STK32B: variants seen among roughly 807,000 people sequenced by gnomAD.
The protein encoded by STK32B is serine/threonine-protein kinase 32B.
A neutral mutation model predicts 52.6 loss-of-function variants in STK32B; 43 were observed. The observed-to-expected ratio is 0.82, with a 90% CI of 0.64 to 1.05. The LOEUF (loss-of-function observed/expected upper bound fraction) is 1.05. Ranked by LOEUF, STK32B falls within the 50% of genes least tolerant of loss-of-function variation. The probability of loss-of-function intolerance (pLI) is 0.00; values close to 1 mark genes in which losing one functional copy is unlikely to be tolerated. For missense variants in STK32B, 621 were observed against 534.6 expected, an observed-to-expected ratio of 1.16 and a Z score of -1.59; for synonymous variants, 238 against 204.3, an observed-to-expected ratio of 1.17 and a Z score of -1.41.
chr4:5,331,149 T>G lies in STK32B; in HGVS notation c.261-71T>G, dbSNP rs2108954303. ...AGCCTCAGTTTGCTCTTCTGTAAAA[T>G]GGAGGCATTGGTCTTGAGGGTGCTG... On this transcript the variant is annotated intron_variant, in intron 3 of 11. Coordinates refer to ENST00000282908, the MANE Select transcript of STK32B (RefSeq NM_018401.3). 4 of 1,430,148 alleles carry G rather than the reference T, an allele frequency of 2.8e-6. No individual in the cohort carries two copies. The East Asian group carries it at 9.7e-5, about 35-fold the overall frequency. The allele number at this position is 1,430,148 out of a possible 1,614,324, so 88.6% of individuals were successfully genotyped here.
chr4:5,317,014 A>ATATATAATATATATGATATAATATATAAT (rs1730975927), intron 3 of STK32B, among the ~76,000 whole-genome samples: 1 of 25,610 alleles, frequency 3.9e-5, no homozygotes, highest in African/African-American at 5.4e-4. Context: ...TAATATATAT[A>ATATATAATATATATGATATAATATATAAT]ATATATAATA....
At chr4:5,041,829 A>C in the STK32B span, among the ~76,000 whole-genome samples, 1 of 151,872 alleles carries the variant, frequency 6.6e-6, no homozygotes, top group South Asian at 2.1e-4. Flanking sequence ...TACAATGCAC[A>C]ATGCTGCCAA....
intron 4 of STK32B, among the ~76,000 whole-genome samples, chr4:5,367,222 G>T (rs1734935200): frequency 6.6e-6 from 1 of 152,162 alleles, no homozygotes; most frequent in Non-Finnish European, 1.5e-5. Context: ...TCCAGTGAAA[G>T]GTCGGTTAGC....
intron 1 of STK32B, among the ~76,000 whole-genome samples, chr4:5,129,234 T>C (rs890433347): frequency 2.0e-5 from 3 of 152,216 alleles, no homozygotes; most frequent in African/African-American, 7.2e-5. Context: ...ATTCATTTTA[T>C]TTTATTATAT....
intron 3 of STK32B, among the ~76,000 whole-genome samples, chr4:5,245,516 G>C (rs539219552): frequency 0.017 from 2,578 of 152,164 alleles, 76 homozygotes; most frequent in African/African-American, 0.058. Context: ...TGGGTCTTGA[G>C]TCTTTATCCA....
chr4:5,040,009 T>C, the STK32B span, among the ~76,000 whole-genome samples: 364 of 152,330 alleles, frequency 2.4e-3, 2 homozygotes, highest in African/African-American at 8.5e-3. Flanking sequence ...GTGGTTGCTC[T>C]GCTACTCCCT....
intron 4 of STK32B, among the ~76,000 whole-genome samples, chr4:5,388,957 T>C (rs1736425478): frequency 6.6e-6 from 1 of 152,148 alleles, no homozygotes. Flanking sequence ...TGAACTGAAT[T>C]AATCATTGTC....
intron 6 of STK32B, 113 bp from the exon 7 acceptor site, chr4:5,446,560 A>G (rs1715440874): frequency 2.0e-6 from 2 of 980,502 alleles, no homozygotes; most frequent in Non-Finnish European, 3.0e-6. Context: ...CTATCTCAAA[A>G]AAAAACAAAA....
chr4:5,324,540 T>G lies in STK32B; in HGVS notation c.261-6680T>G, dbSNP rs115932376. On this transcript the variant is annotated intron_variant, in intron 3 of 11. Transcript: ENST00000282908. ...CAGGGTTTTTCAACCTCAGCACTGT[T>G]GCCATTTTGCAGTAGGTGATTGTGG... Among the ~76,000 whole-genome samples, 394 of 152,262 alleles carry G rather than the reference T, an allele frequency of 2.6e-3. 1 individual carries two copies. Among genetic ancestry groups the G allele is most frequent in the African/African-American group, 8.9e-3 (371 of 41,536 alleles).
At position 5,104,345 on chromosome 4, in the gene STK32B, G is replaced by A. The variant is rs1004134286; in HGVS notation, c.53-35560G>A. The stretch of plus-strand genomic sequence containing the variant: ...CATCATCTTCCACCATGATTGTGAA[G>A]CCTCCCCAGACATGTGGAACTGTGA... On this transcript the variant is annotated intron_variant, in intron 1 of 11. Transcript: ENST00000282908. 4.8e-4 allele frequency among the ~76,000 whole-genome samples: 73 copies of A among 152,180 alleles called. 1 individual carries two copies. The highest frequency in any genetic ancestry group is 1.7e-3 in the African/African-American group (71 of 41,442).
intron 4 of STK32B, among the ~76,000 whole-genome samples, chr4:5,393,390 T>A (rs10006492): frequency 0.049 from 7,521 of 152,326 alleles, 472 homozygotes; most frequent in Admixed American, 0.18. Flanking sequence ...GAAGCTAATG[T>A]TCATTGTCTT....
At chr4:5,151,521 T>G (rs890696124) in intron 2 of STK32B, among the ~76,000 whole-genome samples, 1 of 152,260 alleles carries the variant, frequency 6.6e-6, no homozygotes, top group Non-Finnish European at 1.5e-5. Flanking sequence ...AGAAATCTTT[T>G]CACTGTCATG....
chr4:5,074,643 A>T (rs1711974119), intron 1 of STK32B, among the ~76,000 whole-genome samples: 1 of 152,090 alleles, frequency 6.6e-6, no homozygotes, highest in Non-Finnish European at 1.5e-5. Context: ...TGGCACAATA[A>T]ATATTAGCTA....
intron 11 of STK32B, among the ~76,000 whole-genome samples, chr4:5,484,303 T>C (rs984824680): frequency 1.3e-5 from 2 of 152,242 alleles, no homozygotes; most frequent in Non-Finnish European, 2.9e-5. Flanking sequence ...TTAGGATAGT[T>C]AGCTCTTCTT....
intron 6 of STK32B, among the ~76,000 whole-genome samples, chr4:5,423,580 T>G (rs544426641): frequency 5.0e-4 from 76 of 152,336 alleles, no homozygotes; most frequent in African/African-American, 1.6e-3. Context: ...TGCTAAATAC[T>G]GGGAACACAG....
intron 2 of STK32B, among the ~76,000 whole-genome samples, chr4:5,153,958 CAG>C (rs546348431): frequency 9.2e-4 from 140 of 152,152 alleles, no homozygotes; most frequent in Non-Finnish European, 1.2e-3. Context: ...ATCAAAGTCA[CAG>C]AAGATTTTTT....
intron 3 of STK32B, among the ~76,000 whole-genome samples, chr4:5,201,743 A>G (rs1722166810): frequency 6.6e-6 from 1 of 152,290 alleles, no homozygotes; most frequent in Non-Finnish European, 1.5e-5. Flanking sequence ...AGTAGGAGAG[A>G]GAGCCAAACA....
intron 3 of STK32B, among the ~76,000 whole-genome samples, chr4:5,328,638 T>C (rs989683164): frequency 5.3e-5 from 8 of 152,180 alleles, no homozygotes; most frequent in Admixed American, 5.2e-4. Flanking sequence ...CCATTTATCA[T>C]AGATCACTAT....
At chr4:5,286,712 G>C (rs534013438) in intron 3 of STK32B, among the ~76,000 whole-genome samples, 1 of 151,586 alleles carries the variant, frequency 6.6e-6, no homozygotes, top group Non-Finnish European at 1.5e-5. Flanking sequence ...ATTCAAAATA[G>C]GACTGTTTTT....
Sources: allele counts gnomAD v4.1 joint callset (sites outside exome capture counted in the v4.1 genomes callset), GRCh38; gene constraint gnomAD v4.1.1; transcripts MANE v1.5; gene names NCBI Gene and HGNC (gene_info 2026-07-23, HGNC 2026-07-21).